SPEG: variants seen among roughly 807,000 people sequenced by gnomAD.
SPEG encodes the protein striated muscle enriched protein kinase.
SPEG carries 114 observed loss-of-function variants against 300.4 expected under a neutral mutation model. The observed-to-expected ratio is 0.38, with a 90% CI of 0.33 to 0.44. The LOEUF is 0.44. Ranked by LOEUF, SPEG falls within the 20% of genes least tolerant of loss-of-function variation. The probability of loss-of-function intolerance (pLI) is 1.00; values close to 1 mark genes in which losing one functional copy is unlikely to be tolerated. For missense variants in SPEG, 4,201 were observed against 4,586.2 expected (o/e 0.92, Z 2.43); for synonymous variants, 1,964 against 2,018.9 (o/e 0.97, Z 0.73).
intron 1 of SPEG, among the ~76,000 whole-genome samples, chr2:219,437,684 C>T (rs1256683563): frequency 6.6e-6 from 1 of 152,056 alleles, no homozygotes; most frequent in East Asian, 1.9e-4. Flanking sequence ...GTAACTATTA[C>T]ACCTATCCCA....
intron 6 of SPEG, chr2:219,460,443 C>A: frequency 1.0e-6 from 1 of 985,432 alleles, no homozygotes. Flanking sequence ...CTTTGGTGGA[C>A]GTGTCAGAAC....
intron 9 of SPEG, chr2:219,465,584 C>A: frequency 5.2e-6 from 1 of 193,684 alleles, no homozygotes; most frequent in Non-Finnish European, 1.1e-5. Flanking sequence ...GGATTCCTTC[C>A]GACACCCCCA....
chr2:219,449,141 G>A lies in SPEG; in HGVS notation c.1983G>A (p.Arg661=). 2 of 1,438,428 alleles carry A rather than the reference G, an allele frequency of 1.4e-6. No homozygotes were observed. The highest frequency in any genetic ancestry group is 1.8e-6 in the Non-Finnish European group (2 of 1,096,370). The allele number at this position is 1,438,428 out of a possible 1,614,324, so 89.1% of individuals were successfully genotyped here. ...TACCCCAGACCTTGGAGAAGAACAGGGCGGGGCCTGAGGCAGAGAAGAGGC... is the reference window on the plus strand; with the variant it reads ...TACCCCAGACCTTGGAGAAGAACAGAGCGGGGCCTGAGGCAGAGAAGAGGC... The part of the protein sequence containing the change: ...AAVPQTLEKN[R]AGPEAEKRLR... Residue 661 remains arginine, a synonymous_variant, in exon 4 of 41, where the codon AGG becomes AGA. Transcript: ENST00000312358.
rs766127884 is a variant in SPEG, at chr2:219,485,044, C to G, written c.7581C>G (p.Ser2527=). 3 of 1,532,388 alleles carry G rather than the reference C, an allele frequency of 2.0e-6. No homozygotes were observed. Among genetic ancestry groups the G allele is most frequent in the Non-Finnish European group, 2.6e-6 (3 of 1,145,968 alleles). The allele number at this position is 1,532,388 out of a possible 1,614,324, so 94.9% of individuals were successfully genotyped here. Residue 2527 remains serine, a synonymous_variant, in exon 30 of 41, where the codon TCC becomes TCG. Coordinates refer to ENST00000312358, the MANE Select transcript of SPEG (RefSeq NM_005876.5). Reference sequence around the variant, plus strand: ...CGCCTTCCGCCGAGTCCCTGGGCTCCGAGGCCAGCGCCACGTCGGGCTCCT... The same window carrying G: ...CGCCTTCCGCCGAGTCCCTGGGCTCGGAGGCCAGCGCCACGTCGGGCTCCT... ...ATTPSAESLG[S]EASATSGSSA... is the part of the protein sequence containing the mutation.
chr2:219,437,511 G>C (rs1255955713), intron 1 of SPEG, among the ~76,000 whole-genome samples: 2 of 152,198 alleles, frequency 1.3e-5, no homozygotes, highest in East Asian at 3.8e-4. Flanking sequence ...AAAGGGCCCT[G>C]GGTGTTGTGG....
Position 219,479,262 on chromosome 2 carries a change from A to G in SPEG, c.5085+61A>G. ...CCAGCCTTCACCCACCTGAGCTTTGAGAACCAACAAATGGGTCCTGAGTGT... is the reference window on the plus strand; with the variant it reads ...CCAGCCTTCACCCACCTGAGCTTTGGGAACCAACAAATGGGTCCTGAGTGT... On this transcript the variant is annotated intron_variant, in intron 23 of 40. Transcript: ENST00000312358. This position sits in a 1 kb window ranked among gnomAD's most constrained non-coding sequence, Gnocchi z 5.5. 15 of 1,453,674 alleles carry G rather than the reference A, an allele frequency of 1.0e-5. No individual in the cohort carries two copies. The highest frequency in any genetic ancestry group is 1.4e-5 in the Non-Finnish European group (15 of 1,041,034). The allele number at this position is 1,453,674 out of a possible 1,614,324, so 90.0% of individuals were successfully genotyped here. A position where few individuals can be genotyped will look rare whatever the true frequency, so the allele number is the denominator to read the frequency against.
chr2:219,464,336 C>T lies in SPEG; in HGVS notation c.2706-97C>T. On this transcript the variant is annotated intron_variant, in intron 8 of 40. Transcript: ENST00000312358. The surrounding 1 kb of genome is among the most constrained non-coding windows in gnomAD (Gnocchi z 4.5). ...AGATCTGGGGACTGGGCAAACTGCA[C>T]AGGGAAGGAGAGGCCTGCACAGTGC... 7.6e-7 allele frequency: 1 copy of T among 1,319,158 alleles called. No individual in the cohort carries two copies. The highest frequency in any genetic ancestry group is 1.5e-5 in the African/African-American group (1 of 68,416). 81.7% of individuals were successfully genotyped at this position (1,319,158 alleles called of 1,614,324 possible).
intron 12 of SPEG, 30 bp downstream of exon 12, chr2:219,469,078 G>T: frequency 6.2e-7 from 1 of 1,608,788 alleles, no homozygotes; most frequent in Admixed American, 1.7e-5. Flanking sequence ...TGATGCTGGG[G>T]CTGCCTGTGA....
chr2:219,460,764 T>A, intron 6 of SPEG: 1 of 984,520 alleles, frequency 1.0e-6, no homozygotes, highest in South Asian at 4.7e-5. Flanking sequence ...CGGCCTGCCA[T>A]CCAACCTCCT....
At position 219,468,920 on chromosome 2, in the gene SPEG, G is replaced by A. The variant is rs148131894; in HGVS notation, c.3363G>A (p.Leu1121=). ...RLRQDGGLHS[L]HIAHVGSEDE... ...GGCAGGACGGGGGTCTGCACTCACT[G>A]CACATTGCCCATGTGGGCAGCGAGG... Residue 1121 remains leucine, a synonymous_variant, in exon 12 of 41, where the codon CTG becomes CTA. Coordinates refer to ENST00000312358, the MANE Select transcript of SPEG (RefSeq NM_005876.5). The A allele has an allele frequency of 6.7e-3, 10,787 of 1,613,934 alleles. 51 individuals carry two copies. The highest frequency in any genetic ancestry group is 8.1e-3 in the Non-Finnish European group (9,500 of 1,179,998).
chr2:219,493,011 C>T lies in SPEG; in HGVS notation c.*225C>T. ...CAGAGTGGGAGACCCATTGGTCAGG[C>T]TCAGCAGGGTGGGAACAGGCAGAGG... On this transcript the variant is annotated 3_prime_UTR_variant, in exon 41 of 41. Coordinates refer to ENST00000312358, the MANE Select transcript of SPEG (RefSeq NM_005876.5). 1.4e-6 allele frequency: 1 copy of T among 702,354 alleles called. No homozygotes were observed. The highest frequency in any genetic ancestry group is 2.6e-6 in the Non-Finnish European group (1 of 386,036). 43.5% of individuals were successfully genotyped at this position (702,354 alleles called of 1,614,324 possible).
rs1693235670 is a variant in SPEG, at chr2:219,484,865, T to C, written c.7402T>C (p.Leu2468=). 2.0e-6 allele frequency: 3 copies of C among 1,523,846 alleles called. No homozygotes were observed. Among genetic ancestry groups the C allele is most frequent in the Non-Finnish European group, 8.7e-7 (1 of 1,143,158 alleles). The allele number at this position is 1,523,846 out of a possible 1,614,324, so 94.4% of individuals were successfully genotyped here. A position where few individuals can be genotyped will look rare whatever the true frequency, so the allele number is the denominator to read the frequency against. The change falls in exon 30 of 41, where the codon TTG becomes CTG. Residue 2468 remains leucine (L), a synonymous_variant. Coordinates refer to ENST00000312358, the MANE Select transcript of SPEG (RefSeq NM_005876.5). ...SFTLERLSSR[L]QRSGSSEDSG... Reference sequence around the variant, plus strand: ...CACCCTGGAGCGGCTGTCCAGCCGATTGCAGCGCAGTGGCAGCAGCGAGGA... The same window carrying C: ...CACCCTGGAGCGGCTGTCCAGCCGACTGCAGCGCAGTGGCAGCAGCGAGGA...
chr2:219,461,045 G>C (rs1354640701), intron 6 of SPEG: 1 of 965,760 alleles, frequency 1.0e-6, no homozygotes, highest in African/African-American at 1.8e-5. Context: ...GGGGACCCTG[G>C]GGAGAACCTA....
In SPEG at chr2:219,489,871, G is replaced by T. The variant is rs1693804771; in HGVS notation, c.8853G>T (p.Arg2951Ser). 6.2e-7 allele frequency: 1 copy of T among 1,609,398 alleles called. No individual in the cohort carries two copies. Among genetic ancestry groups the T allele is most frequent in the South Asian group, 1.1e-5 (1 of 90,956 alleles). Residue 2951 changes from arginine (R) to serine (S), a missense_variant, in exon 36 of 41, where the codon AGG (arginine) becomes AGT (serine). Physicochemically the swap from Arg to Ser is moderately radical, Grantham distance 110 (BLOSUM62 -1). Transcript: ENST00000312358. ...SPGSSPRSSP[R>S]PEGTTLRQGP... ...GGAGCAGTCCCCGAAGCTCTCCCAG[G>T]CCTGAGGGTACCACTCTTCGACAGG... is the stretch of plus-strand genomic sequence containing the variant.
At chr2:219,492,487 A>C in intron 40 of SPEG, 107 bp from the exon 41 acceptor site, 1 of 1,264,790 alleles carries the variant, frequency 7.9e-7, no homozygotes, top group Non-Finnish European at 1.1e-6. Context: ...AAGATCACAC[A>C]TGTAGGGGTG....
At chr2:219,452,359 T>C (rs1034419417) in intron 6 of SPEG, among the ~76,000 whole-genome samples, 1 of 152,222 alleles carries the variant, frequency 6.6e-6, no homozygotes, top group Non-Finnish European at 1.5e-5. Flanking sequence ...CCTTGTTTTC[T>C]ATTTTTGTGA....
Position 219,459,861 on chromosome 2 carries a change from G to A in SPEG, c.2441-2021G>A, listed in dbSNP as rs771860198. Among the ~76,000 whole-genome samples, 1 of 152,192 alleles carries A rather than the reference G, an allele frequency of 6.6e-6. No homozygotes were observed. Among genetic ancestry groups the A allele is most frequent in the Non-Finnish European group, 1.5e-5 (1 of 68,038 alleles). ...GAACCGTGGGCCCCTCCTCTGCCCGGCCCCCAGCCCTCCTTCCTTACTGGC... is the reference window on the plus strand; with the variant it reads ...GAACCGTGGGCCCCTCCTCTGCCCGACCCCCAGCCCTCCTTCCTTACTGGC... On this transcript the variant is annotated intron_variant, in intron 6 of 40. Coordinates refer to ENST00000312358, the MANE Select transcript of SPEG (RefSeq NM_005876.5). This position sits in a 1 kb window ranked among gnomAD's most constrained non-coding sequence, Gnocchi z 4.9.
Position 219,493,023 on chromosome 2 carries a change from GGA to G in SPEG, c.*238_*239del. 1.4e-6 allele frequency: 1 copy of G among 698,944 alleles called. No homozygotes were observed. The highest frequency in any genetic ancestry group is 1.5e-5 in the South Asian group (1 of 66,726). 43.3% of individuals were successfully genotyped at this position (698,944 alleles called of 1,614,324 possible). A position where few individuals can be genotyped will look rare whatever the true frequency, so the allele number is the denominator to read the frequency against. On this transcript the variant is annotated 3_prime_UTR_variant, in exon 41 of 41. Transcript: ENST00000312358. ...CCCATTGGTCAGGCTCAGCAGGGTG[GGA>G]ACAGGCAGAGGGACAAGAGGGGAAT... is the stretch of plus-strand genomic sequence containing the variant.
chr2:219,481,125 G>C lies in SPEG; in HGVS notation c.5370-179G>C, dbSNP rs753835440. The stretch of plus-strand genomic sequence containing the variant: ...GCAGCACCACCTCCCTGCCCATCAG[G>C]GGGGCTGGGGAGGGGACAGGGCAGG... On this transcript the variant is annotated intron_variant, in intron 26 of 40. Transcript: ENST00000312358. This position sits in a 1 kb window ranked among gnomAD's most constrained non-coding sequence, Gnocchi z 5.4. Among the ~76,000 whole-genome samples, 1 of 152,146 alleles carries C rather than the reference G, an allele frequency of 6.6e-6. No homozygotes were observed. Among genetic ancestry groups the C allele is most frequent in the African/African-American group, 2.4e-5 (1 of 41,434 alleles).
Sources: allele counts gnomAD v4.1 joint callset (sites outside exome capture counted in the v4.1 genomes callset), GRCh38; gene constraint gnomAD v4.1.1; non-coding constraint Gnocchi (gnomAD v3.1); transcripts MANE v1.5; gene names NCBI Gene and HGNC (gene_info 2026-07-23, HGNC 2026-07-21).